PRKCH: variants seen among roughly 807,000 people sequenced by gnomAD.
PRKCH encodes protein kinase C eta type.
A neutral mutation model predicts 82.5 loss-of-function variants in PRKCH; 28 were observed. That is an observed-to-expected ratio of 0.34 (90% CI 0.25 to 0.47). PRKCH has a LOEUF of 0.47. Among genes scored for constraint, PRKCH ranks in the 20% least tolerant of loss-of-function variants. The pLI, the probability that PRKCH is intolerant of heterozygous loss-of-function variation, is 1.00. For missense variants in PRKCH, 705 were observed against 881.8 expected (o/e 0.80, Z 2.54); for synonymous variants, 322 against 327.4 (o/e 0.98, Z 0.18).
chr14:61,498,619 A>C (rs1391559220), intron 10 of PRKCH, among the ~76,000 whole-genome samples: 1 of 152,096 alleles, frequency 6.6e-6, no homozygotes, highest in African/African-American at 2.4e-5. Context: ...GTTCCTCATG[A>C]GGGCTCTCTT....
At chr14:61,499,022 G>C (rs1019335317) in intron 10 of PRKCH, among the ~76,000 whole-genome samples, 2 of 152,126 alleles carry the variant, frequency 1.3e-5, no homozygotes, top group African/African-American at 4.8e-5. Flanking sequence ...AGACAGGCAC[G>C]AGAGAATAAC....
intron 2 of PRKCH, among the ~76,000 whole-genome samples, chr14:61,392,189 G>A (rs1327064589): frequency 6.6e-6 from 1 of 151,298 alleles, no homozygotes; most frequent in East Asian, 1.9e-4. Flanking sequence ...TTTTCCTATT[G>A]TTGTCTATTA....
intron 12 of PRKCH, among the ~76,000 whole-genome samples, chr14:61,533,294 T>TAAA (rs35130617): frequency 1.4e-5 from 2 of 143,698 alleles, no homozygotes; most frequent in Non-Finnish European, 1.5e-5. Flanking sequence ...ATAAAATTAC[T>TAAA]AAAAAAAAAA....
At chr14:61,501,788 G>C (rs1228287135) in intron 10 of PRKCH, among the ~76,000 whole-genome samples, 1 of 152,114 alleles carries the variant, frequency 6.6e-6, no homozygotes, top group Admixed American at 6.5e-5. Context: ...ACTTTTAGCT[G>C]TTCTAAAATG....
intron 2 of PRKCH, among the ~76,000 whole-genome samples, chr14:61,437,380 T>C (rs1251705145): frequency 6.6e-6 from 1 of 152,260 alleles, no homozygotes; most frequent in Non-Finnish European, 1.5e-5. Flanking sequence ...TCTGGTTCTT[T>C]CTTGACTAGT....
chr14:61,443,495 G>C (rs1294353489), intron 3 of PRKCH, among the ~76,000 whole-genome samples: 1 of 152,180 alleles, frequency 6.6e-6, no homozygotes, highest in Non-Finnish European at 1.5e-5. Flanking sequence ...TCTTGGTAAA[G>C]ATGCTAATGA....
chr14:61,450,058 A>G (rs1378808917), intron 5 of PRKCH, among the ~76,000 whole-genome samples: 2 of 152,238 alleles, frequency 1.3e-5, no homozygotes, highest in Non-Finnish European at 2.9e-5. Flanking sequence ...AGGCATTGGA[A>G]GAATGACTCT....
intron 1 of PRKCH, among the ~76,000 whole-genome samples, chr14:61,224,168 C>T (rs1373166986): frequency 6.6e-6 from 1 of 152,122 alleles, no homozygotes; most frequent in African/African-American, 2.4e-5. Flanking sequence ...TCTATCCTTG[C>T]AGTGCATCTT....
chr14:61,242,397 A>T (rs1462669278), intron 1 of PRKCH, among the ~76,000 whole-genome samples: 1 of 152,104 alleles, frequency 6.6e-6, no homozygotes, highest in Non-Finnish European at 1.5e-5. Context: ...TACACTGCAT[A>T]TGTTTGTTTG....
intron 2 of PRKCH, among the ~76,000 whole-genome samples, chr14:61,429,188 AC>A: frequency 6.6e-6 from 1 of 152,322 alleles, no homozygotes; most frequent in East Asian, 1.9e-4. Context: ...ACTGGCTCCT[AC>A]CCTCTTCTTC....
chr14:61,419,701 A>C (rs1882733919), intron 2 of PRKCH, among the ~76,000 whole-genome samples: 1 of 152,218 alleles, frequency 6.6e-6, no homozygotes, highest in South Asian at 2.1e-4. Flanking sequence ...CTAGAGGGTT[A>C]AGTTGTCATT....
chr14:61,441,326 C>T (rs1312713089), intron 2 of PRKCH, among the ~76,000 whole-genome samples: 1 of 152,092 alleles, frequency 6.6e-6, no homozygotes, highest in Non-Finnish European at 1.5e-5. Flanking sequence ...AGATGGGAAC[C>T]CTGAGGCTTA....
chr14:61,431,369 G>C (rs1011836782), intron 2 of PRKCH, among the ~76,000 whole-genome samples: 1 of 152,122 alleles, frequency 6.6e-6, no homozygotes, highest in Non-Finnish European at 1.5e-5. Context: ...CAGGGTCCTC[G>C]GATCTCTCAA....
chr14:61,435,042 G>A (rs1281901901), intron 2 of PRKCH, among the ~76,000 whole-genome samples: 1 of 152,098 alleles, frequency 6.6e-6, no homozygotes, highest in African/African-American at 2.4e-5. Context: ...CCCTGAAGCA[G>A]CCATCAGCCA....
intron 10 of PRKCH, among the ~76,000 whole-genome samples, chr14:61,500,885 A>C (rs771655807): frequency 6.6e-6 from 1 of 152,156 alleles, no homozygotes; most frequent in Non-Finnish European, 1.5e-5. Flanking sequence ...ACTCCTTCAA[A>C]TGGTCCATCT....
chr14:61,501,319 C>T (rs1171185925), intron 10 of PRKCH, among the ~76,000 whole-genome samples: 4 of 151,994 alleles, frequency 2.6e-5, no homozygotes, highest in Non-Finnish European at 5.9e-5. Context: ...TATACCCGTA[C>T]TGTGGAATAT....
At chr14:61,340,037 G>A (rs1376196369) in intron 1 of PRKCH, among the ~76,000 whole-genome samples, 2 of 151,896 alleles carry the variant, frequency 1.3e-5, no homozygotes, top group East Asian at 2.0e-4. Context: ...CAGCCTTTCA[G>A]TCCTCTGTTG....
chr14:61,262,176 G>A (rs555434616), intron 1 of PRKCH, among the ~76,000 whole-genome samples: 108 of 142,188 alleles, frequency 7.6e-4, no homozygotes, highest in Admixed American at 2.6e-3. Flanking sequence ...AGCCAAGATC[G>A]GCACCACTGC....
At chr14:61,226,345 G>A (rs969825043) in intron 1 of PRKCH, among the ~76,000 whole-genome samples, 3 of 152,102 alleles carry the variant, frequency 2.0e-5, no homozygotes, top group African/African-American at 4.8e-5. Context: ...TCAAGCCAAC[G>A]ATTATATTAT....
Sources: gnomAD v4.1 joint callset for allele counts (sites outside exome capture counted in the v4.1 genomes callset) on GRCh38, gnomAD v4.1.1 for gene constraint, MANE v1.5 for transcripts, NCBI Gene and HGNC (gene_info 2026-07-23, HGNC 2026-07-21) for gene names.